The following PKM variants were observed in gnomAD, a reference collection of about 807,000 sequenced individuals.
PKM encodes the protein pyruvate kinase PKM.
In PKM, 18 loss-of-function variants were observed where a neutral mutation model predicts 49.8. That is an observed-to-expected ratio of 0.36 (90% CI 0.25 to 0.54). The LOEUF (loss-of-function observed/expected upper bound fraction) is 0.54, where lower values mean the gene tolerates loss of function less well. Among genes scored for constraint, PKM ranks in the 20% least tolerant of loss-of-function variants. The pLI is 0.89. For missense variants in PKM, 508 were observed against 713.8 expected (o/e 0.71, Z 3.28); for synonymous variants, 239 against 261.8 (o/e 0.91, Z 0.84).
intron 8 of PKM, chr15:72,203,343 A>T: frequency 1.5e-6 from 1 of 676,628 alleles, no homozygotes; most frequent in South Asian, 1.7e-5. Flanking sequence ...ATGCAGAGGT[A>T]GGGTGATGAA....
intron 10 of PKM, 54 bp from the exon 11 acceptor site, chr15:72,199,810 A>AC: frequency 8.2e-7 from 1 of 1,215,576 alleles, no homozygotes; most frequent in East Asian, 2.4e-5. Flanking sequence ...GCAGGTTTGC[A>AC]CCTGGGCAGC....
chr15:72,209,734 C>T lies in PKM; in HGVS notation c.504G>A (p.Val168=), dbSNP rs748270130. The T allele has an allele frequency of 1.9e-6, 3 of 1,614,054 alleles. No individual in the cohort carries two copies. Among genetic ancestry groups the T allele is most frequent in the Non-Finnish European group, 2.5e-6 (3 of 1,180,014 alleles). The change falls in exon 5 of 11, where the codon GTG becomes GTA. Residue 168 remains valine (V), a synonymous_variant. Coordinates refer to ENST00000335181, the MANE Select transcript of PKM (RefSeq NM_002654.6). ...CCACGTAGATCTTGCTGCCCACTTC[C>T]ACCACCTTGCAGATGTTCTTGTAGT... is the stretch of plus-strand genomic sequence containing the variant. The part of the protein sequence containing the change: ...WLDYKNICKV[V]EVGSKIYVDD...
In PKM at chr15:72,202,411, A is replaced by G. The variant is rs1331654714; in HGVS notation, c.1307+43T>C. 1.6e-5 allele frequency: 26 copies of G among 1,586,512 alleles called. No individual in the cohort carries two copies. In the Admixed American group the frequency reaches 4.3e-4, roughly 26 times the overall value. On this transcript the variant is annotated intron_variant, in intron 9 of 10. Coordinates refer to ENST00000335181, the MANE Select transcript of PKM (RefSeq NM_002654.6). This position sits in a 1 kb window ranked among gnomAD's most constrained non-coding sequence, Gnocchi z 4.5. The stretch of plus-strand genomic sequence containing the variant: ...GCTCCCAGGACCCCCAAGGTGAGGT[A>G]CCACTGAGCAGGGCATTCCAGGGAG...
At position 72,202,195 on chromosome 15, in the gene PKM, C is replaced by A; in HGVS notation, c.1307+259G>T. 1 of 551,316 alleles carries A rather than the reference C, an allele frequency of 1.8e-6. No homozygotes were observed. Among genetic ancestry groups the A allele is most frequent in the Non-Finnish European group, 3.3e-6 (1 of 305,882 alleles). 34.2% of individuals were successfully genotyped at this position (551,316 alleles called of 1,614,324 possible). ...AATAACCATTTGTAGTCAGCCTGTG[C>A]ACTGTTATGTAATAAATCTCCAGCA... On this transcript the variant is annotated intron_variant, in intron 9 of 10. Coordinates refer to ENST00000335181, the MANE Select transcript of PKM (RefSeq NM_002654.6). The surrounding 1 kb of genome is among the most constrained non-coding windows in gnomAD (Gnocchi z 4.5).
chr15:72,221,010 T>C (rs8192385), intron 1 of PKM, among the ~76,000 whole-genome samples: 232 of 152,334 alleles, frequency 1.5e-3, no homozygotes, highest in Admixed American at 0.012. Flanking sequence ...GGGCCTACAA[T>C]CTAGGGACTG....
rs112761283 is a variant in PKM, at chr15:72,200,132, T to TAA, written c.1489+340_1489+341dup. Among the ~76,000 whole-genome samples, 2 of 145,988 alleles carry TAA rather than the reference T, an allele frequency of 1.4e-5. No homozygotes were observed. The highest frequency in any genetic ancestry group is 5.1e-5 in the African/African-American group (2 of 39,588). On this transcript the variant is annotated intron_variant, in intron 10 of 10. Coordinates refer to ENST00000335181, the MANE Select transcript of PKM (RefSeq NM_002654.6). This position sits in a 1 kb window ranked among gnomAD's most constrained non-coding sequence, Gnocchi z 4.6. ...CACAGGAGCTGTGGCCAATTTTATT[T>TAA]AAAAAAAAAACAAAAAACAAAAAAA... is the stretch of plus-strand genomic sequence containing the variant.
chr15:72,224,767 T>G (rs1461853472), intron 1 of PKM, among the ~76,000 whole-genome samples: 2 of 151,762 alleles, frequency 1.3e-5, no homozygotes, highest in African/African-American at 4.8e-5. Context: ...AGACACAGAA[T>G]TGCTTGAATC....
intron 1 of PKM, among the ~76,000 whole-genome samples, chr15:72,221,565 G>GA (rs35563486): frequency 0.27 from 39,597 of 145,650 alleles, 5,443 homozygotes; most frequent in East Asian, 0.43. Flanking sequence ...TAGGATTACA[G>GA]AAAAAAAAAA....
chr15:72,230,813 G>A (rs978175110), intron 1 of PKM: 49 of 592,066 alleles, frequency 8.3e-5, no homozygotes, highest in Admixed American at 2.6e-4. Context: ...CGAGGATGGA[G>A]GCGCATTGAG....
At chr15:72,210,596 T>C (rs2082227266) in intron 3 of PKM, 118 bp from the exon 4 acceptor site, 19 of 1,112,904 alleles carry the variant, frequency 1.7e-5, no homozygotes, top group Non-Finnish European at 2.4e-5. Flanking sequence ...CTTAGAGCTC[T>C]ATCTCCATCC....
intron 1 of PKM, among the ~76,000 whole-genome samples, chr15:72,227,607 G>T (rs1398762599): frequency 6.6e-6 from 1 of 151,832 alleles, no homozygotes; most frequent in Non-Finnish European, 1.5e-5. Flanking sequence ...TTAGCTGGGC[G>T]TGGTGCAAGT....
intron 1 of PKM, among the ~76,000 whole-genome samples, chr15:72,220,758 C>T (rs1331852815): frequency 6.6e-6 from 1 of 152,200 alleles, no homozygotes; most frequent in Non-Finnish European, 1.5e-5. Context: ...CTCTGAATGC[C>T]TCTTTGTCAG....
chr15:72,231,044 G>T, intron 1 of PKM, 72 bp downstream of exon 1: 1 of 1,008,216 alleles, frequency 9.9e-7, no homozygotes, highest in South Asian at 1.3e-5. Flanking sequence ...CGGCCGGCGC[G>T]CCGGGATTCC....
rs1287932043 is a variant in PKM, at chr15:72,202,766, A to C, written c.1141-146T>G. The stretch of plus-strand genomic sequence containing the variant: ...AACAAAGGCCAAGAGGAGCCCAATC[A>C]CTGGAGATTCTGAGCTGAGCCAAGA... On this transcript the variant is annotated intron_variant, in intron 8 of 10. Transcript: ENST00000335181. This position sits in a 1 kb window ranked among gnomAD's most constrained non-coding sequence, Gnocchi z 4.5. 6.6e-6 allele frequency: 5 copies of C among 762,572 alleles called. No homozygotes were observed. The highest frequency in any genetic ancestry group is 8.8e-6 in the Non-Finnish European group (4 of 455,854). 47.2% of individuals were successfully genotyped at this position (762,572 alleles called of 1,614,324 possible).
At chr15:72,221,329 T>G in intron 1 of PKM, 1 of 1,200,928 alleles carries the variant, frequency 8.3e-7, no homozygotes, top group Non-Finnish European at 1.2e-6. Context: ...TAAAGCTCTT[T>G]GGGGTAATGG....
chr15:72,213,975 C>A (rs184195643), intron 3 of PKM, among the ~76,000 whole-genome samples: 1 of 152,326 alleles, frequency 6.6e-6, no homozygotes, highest in East Asian at 1.9e-4. Flanking sequence ...TTTTTCCCCA[C>A]AAAGAATCAG....
In PKM at chr15:72,200,450, C is replaced by G; in HGVS notation, c.1489+24G>C. 6.2e-7 allele frequency: 1 copy of G among 1,609,624 alleles called. No homozygotes were observed. On this transcript the variant is annotated intron_variant, in intron 10 of 10. Coordinates refer to ENST00000335181, the MANE Select transcript of PKM (RefSeq NM_002654.6). The surrounding 1 kb of genome is among the most constrained non-coding windows in gnomAD (Gnocchi z 4.6). Reference sequence around the variant, plus strand: ...AAGCATCCCCAAGCTCCTCTAGGCTCTAGCCCCTGCTCCAGCCACGTACCA... The same window carrying G: ...AAGCATCCCCAAGCTCCTCTAGGCTGTAGCCCCTGCTCCAGCCACGTACCA...
At chr15:72,227,797 C>G (rs1231440080) in intron 1 of PKM, among the ~76,000 whole-genome samples, 1 of 78,928 alleles carries the variant, frequency 1.3e-5, no homozygotes, top group African/African-American at 4.4e-5. Flanking sequence ...GCAAAATAAA[C>G]TAAAACCCAA....
At chr15:72,223,286 A>G (rs1293782857) in intron 1 of PKM, among the ~76,000 whole-genome samples, 1 of 152,124 alleles carries the variant, frequency 6.6e-6, no homozygotes, top group East Asian at 1.9e-4. Flanking sequence ...CTGCCCTAAT[A>G]AAATAGCCTG....
Sources: gnomAD v4.1 joint callset for allele counts (sites outside exome capture counted in the v4.1 genomes callset) on GRCh38, gnomAD v4.1.1 for gene constraint, Gnocchi (gnomAD v3.1) non-coding constraint, MANE v1.5 for transcripts, NCBI Gene and HGNC (gene_info 2026-07-23, HGNC 2026-07-21) for gene names.